Variants in ATG4D observed in about 807,000 individuals in gnomAD.
The protein encoded by ATG4D is autophagy related 4D cysteine peptidase.
In ATG4D, 51 loss-of-function variants were observed where a neutral mutation model predicts 55.2. That is an observed-to-expected ratio of 0.92 (90% CI 0.74 to 1.17). The LOEUF (loss-of-function observed/expected upper bound fraction) is 1.17, where lower values mean the gene tolerates loss of function less well. Among genes scored for constraint, ATG4D ranks in the 50% most tolerant of loss-of-function variants. ATG4D has a pLI of 0.00. For synonymous variants in ATG4D, 268 were observed against 266.2 expected, an observed-to-expected ratio of 1.01 and a Z score of -0.07; for missense variants, 635 against 649.6, an observed-to-expected ratio of 0.98 and a Z score of 0.25.
chr19:10,544,016 G>A lies in ATG4D; in HGVS notation c.-75G>A. ...GCGCCTTCCCCGGGCCCCGTGAACC[G>A]GCTGCGGGTCGCCCTTGGGGGGCAG... On this transcript the variant is annotated 5_prime_UTR_variant, in exon 1 of 10. Transcript: ENST00000309469. The A allele has an allele frequency of 9.3e-7, 1 of 1,070,504 alleles. No homozygotes were observed. The highest frequency in any genetic ancestry group is 1.2e-6 in the Non-Finnish European group (1 of 843,788). 66.3% of individuals were successfully genotyped at this position (1,070,504 alleles called of 1,614,324 possible). A position where few individuals can be genotyped will look rare whatever the true frequency, so the allele number is the denominator to read the frequency against.
Position 10,552,867 on chromosome 19 carries a change from T to C in ATG4D, c.1243-18T>C, listed in dbSNP as rs757448328. ...TTGGCACTGTTTGTGGCTGACCCTG[T>C]CTCCCTCTTCCCGCCAGGTCCTCAG... On this transcript the variant is annotated intron_variant, in intron 9 of 9. Transcript: ENST00000309469. 3 of 1,596,720 alleles carry C rather than the reference T, an allele frequency of 1.9e-6. No individual in the cohort carries two copies. Among genetic ancestry groups the C allele is most frequent in the Non-Finnish European group, 2.6e-6 (3 of 1,170,944 alleles).
rs369166683 is a variant in ATG4D at position 10,548,999 on chromosome 19, G to A, written c.931G>A (p.Glu311Lys). Residue 311 changes from glutamate (E) to lysine (K), a missense_variant, in exon 6 of 10, where the codon GAG becomes AAG. By Grantham distance (56) the Glu-to-Lys change is moderately conservative. Coordinates refer to ENST00000309469, the MANE Select transcript of ATG4D (RefSeq NM_032885.6). ...VILVPVRLGG[E>K]TLNPVYVPCV... ...CCTGGTGCCCGTGCGACTGGGTGGC[G>A]AGACTCTCAACCCCGTGTATGTGCC... is the stretch of plus-strand genomic sequence containing the variant. The A allele has an allele frequency of 2.3e-5, 37 of 1,613,986 alleles. No individual in the cohort carries two copies. The South Asian group carries it at 2.3e-4, about 10-fold the overall frequency.
In ATG4D at chr19:10,553,078, T is replaced by A; in HGVS notation, c.*11T>A. 3.1e-6 allele frequency: 5 copies of A among 1,590,484 alleles called. No homozygotes were observed. Among genetic ancestry groups the A allele is most frequent in the Non-Finnish European group, 4.3e-6 (5 of 1,169,684 alleles). On this transcript the variant is annotated 3_prime_UTR_variant, in exon 10 of 10. Transcript: ENST00000309469. ...TTTGTGTTTTTATAAAGGGAGGGGA[T>A]GAGGGGAAAGATACAACACTATTTA...
At chr19:10,549,128 C>T in intron 6 of ATG4D, 94 bp downstream of exon 6, 8 of 1,140,148 alleles carry the variant, frequency 7.0e-6, no homozygotes, top group South Asian at 1.8e-5. Context: ...GCCCTCATCA[C>T]TTTTTTTTTT....
intron 2 of ATG4D, 31 bp from the exon 3 acceptor site, chr19:10,544,926 C>A (rs755294148): frequency 6.3e-6 from 10 of 1,582,490 alleles, no homozygotes; most frequent in Admixed American, 1.7e-5. Context: ...CGGAGTGTCC[C>A]TGGTGGCAGC....
In ATG4D at chr19:10,547,119, A is replaced by C. The variant is rs1475215157; in HGVS notation, c.770+4A>C. 4 of 1,606,956 alleles carry C rather than the reference A, an allele frequency of 2.5e-6. No homozygotes were observed. In the Admixed American group the frequency reaches 6.8e-5, roughly 27 times the overall value. On this transcript the variant is annotated splice_donor_region_variant and intron_variant, in intron 4 of 9. Coordinates refer to ENST00000309469, the MANE Select transcript of ATG4D (RefSeq NM_032885.6). The stretch of plus-strand genomic sequence containing the variant: ...CGCTAGTGGCACACATCCTCAGGTG[A>C]GGGCTGCTGCAGGGATCACGGGAGT...
intron 9 of ATG4D, 147 bp from the exon 10 acceptor site, chr19:10,552,738 C>A: frequency 1.2e-6 from 1 of 866,048 alleles, no homozygotes; most frequent in Non-Finnish European, 1.8e-6. Flanking sequence ...ATGGCTGAGC[C>A]AATCACTGTG....
At chr19:10,545,539 T>C (rs1247268044) in intron 3 of ATG4D, among the ~76,000 whole-genome samples, 1 of 150,916 alleles carries the variant, frequency 6.6e-6, no homozygotes, top group East Asian at 2.0e-4. Context: ...ACCACTGCAC[T>C]CCAGCCTGGG....
chr19:10,545,266 G>C, intron 3 of ATG4D, 136 bp downstream of exon 3: 2 of 1,221,914 alleles, frequency 1.6e-6, no homozygotes, highest in Non-Finnish European at 2.2e-6. Flanking sequence ...AGAGATGAGA[G>C]TTGTTTATAA....
Position 10,552,327 on chromosome 19 carries a change from G to T in ATG4D, c.1242+3G>T. 7 of 1,609,678 alleles carry T rather than the reference G, an allele frequency of 4.3e-6. No individual in the cohort carries two copies. Among genetic ancestry groups the T allele is most frequent in the Non-Finnish European group, 5.9e-6 (7 of 1,177,998 alleles). On this transcript the variant is annotated splice_donor_region_variant and intron_variant, in intron 9 of 9. Transcript: ENST00000309469. Reference sequence around the variant, plus strand: ...CACTCTGCTCAGAGCTGACCAGGGTGAGCAAGAGGAAAGCTGGAGTGGGGT... The same window carrying T: ...CACTCTGCTCAGAGCTGACCAGGGTTAGCAAGAGGAAAGCTGGAGTGGGGT...
At position 10,544,065 on chromosome 19, in the gene ATG4D, C is replaced by T; in HGVS notation, c.-26C>T. On this transcript the variant is annotated 5_prime_UTR_variant, in exon 1 of 10. Coordinates refer to ENST00000309469, the MANE Select transcript of ATG4D (RefSeq NM_032885.6). ...AGCGGCCGCAGCCCCCCACCTGGGC[C>T]CTCGGTCCGCCCTCCCGGCGCGTCC... is the stretch of plus-strand genomic sequence containing the variant. 1 of 1,229,618 alleles carries T rather than the reference C, an allele frequency of 8.1e-7. No individual in the cohort carries two copies. The highest frequency in any genetic ancestry group is 1.6e-5 in the African/African-American group (1 of 64,108). 76.2% of individuals were successfully genotyped at this position (1,229,618 alleles called of 1,614,324 possible).
At chr19:10,549,745 G>A (rs1369005666) in intron 6 of ATG4D, among the ~76,000 whole-genome samples, 2 of 152,044 alleles carry the variant, frequency 1.3e-5, no homozygotes, top group African/African-American at 4.8e-5. Context: ...ATACTATGCA[G>A]CACCTGCTAT....
rs753197819 is a variant in ATG4D at position 10,547,158 on chromosome 19, C to A, written c.771-31C>A. On this transcript the variant is annotated intron_variant, in intron 4 of 9. Coordinates refer to ENST00000309469, the MANE Select transcript of ATG4D (RefSeq NM_032885.6). ...GATCACGGGAGTTGCTGGGTACCCG[C>A]AGGCACTCAGGCCTTCCCTCCTGCC... 3 of 1,612,504 alleles carry A rather than the reference C, an allele frequency of 1.9e-6. No homozygotes were observed. In the Admixed American group the frequency reaches 5.0e-5, roughly 27 times the overall value.
intron 9 of ATG4D, 133 bp from the exon 10 acceptor site, chr19:10,552,752 A>C: frequency 1.1e-6 from 1 of 935,598 alleles, no homozygotes; most frequent in Non-Finnish European, 1.6e-6. Flanking sequence ...CACTGTGGCC[A>C]GGGGATGGAA....
rs941739929 is a variant in ATG4D, at chr19:10,553,253, C to T, written c.*186C>T. 3 of 742,936 alleles carry T rather than the reference C, an allele frequency of 4.0e-6. No individual in the cohort carries two copies. The African/African-American group carries it at 5.3e-5, about 13-fold the overall frequency. 46.0% of individuals were successfully genotyped at this position (742,936 alleles called of 1,614,324 possible). On this transcript the variant is annotated 3_prime_UTR_variant, in exon 10 of 10. Transcript: ENST00000309469. ...CCACAGAGCCCATACACCTGTCTCC[C>T]ACCAGCGGGGCCCTCCTGGCAGGGT... is the stretch of plus-strand genomic sequence containing the variant.
intron 2 of ATG4D, 28 bp downstream of exon 2, chr19:10,544,894 G>T: frequency 6.3e-7 from 1 of 1,597,590 alleles, no homozygotes; most frequent in Non-Finnish European, 8.5e-7. Flanking sequence ...ACCAGGGCTG[G>T]GGGAGGCCTC....
rs1378471666 is a variant in ATG4D, at chr19:10,552,469, C to A, written c.1242+145C>A. 3 of 1,188,476 alleles carry A rather than the reference C, an allele frequency of 2.5e-6. No individual in the cohort carries two copies. The South Asian group carries it at 4.8e-5, about 19-fold the overall frequency. The allele number at this position is 1,188,476 out of a possible 1,614,324, so 73.6% of individuals were successfully genotyped here. On this transcript the variant is annotated intron_variant, in intron 9 of 9. Coordinates refer to ENST00000309469, the MANE Select transcript of ATG4D (RefSeq NM_032885.6). ...TAACCTGGGAAATGTGAAGAATGTC[C>A]ACCCCTGAAAAGGTGGGAACGCCAA...
intron 6 of ATG4D, 42 bp from the exon 7 acceptor site, chr19:10,551,855 G>C: frequency 6.2e-7 from 1 of 1,602,208 alleles, no homozygotes; most frequent in Non-Finnish European, 8.5e-7. Context: ...AGCGTTTGTT[G>C]AGTGGCTGCC....
Position 10,543,940 on chromosome 19 carries a change from AGCG to A in ATG4D, c.-142_-140del. 4.5e-6 allele frequency: 2 copies of A among 442,522 alleles called. No homozygotes were observed. The highest frequency in any genetic ancestry group is 3.7e-6 in the Non-Finnish European group (1 of 272,236). The allele number at this position is 442,522 out of a possible 1,614,324, so 27.4% of individuals were successfully genotyped here. A position where few individuals can be genotyped will look rare whatever the true frequency, so the allele number is the denominator to read the frequency against. ...CTAAGATGGCGATGGCTGCGGTAGC[AGCG>A]GCGGCGGCTGTTGCCTGGCCCGGTA... is the stretch of plus-strand genomic sequence containing the variant. On this transcript the variant is annotated 5_prime_UTR_variant, in exon 1 of 10. Coordinates refer to ENST00000309469, the MANE Select transcript of ATG4D (RefSeq NM_032885.6).
Sources: allele counts gnomAD v4.1 joint callset (sites outside exome capture counted in the v4.1 genomes callset), GRCh38; gene constraint gnomAD v4.1.1; transcripts MANE v1.5; gene names NCBI Gene and HGNC (gene_info 2026-07-23, HGNC 2026-07-21).